Variants in FOXP2 observed in about 807,000 individuals in gnomAD.
FOXP2 encodes the protein forkhead box protein P2.
A neutral mutation model predicts 115.8 loss-of-function variants in FOXP2; 12 were observed. That is an observed-to-expected ratio of 0.10 (90% confidence interval 0.07 to 0.17). The LOEUF (loss-of-function observed/expected upper bound fraction) is 0.17. Ranked by LOEUF, FOXP2 falls within the 10% of genes least tolerant of loss-of-function variation. The pLI, the probability that FOXP2 is intolerant of heterozygous loss-of-function variation, is 1.00. For synonymous variants in FOXP2, 328 were observed against 297.7 expected, an observed-to-expected ratio of 1.10 and a Z score of -1.05; for missense variants, 629 against 843.5, an observed-to-expected ratio of 0.75 and a Z score of 3.15.
At chr7:114,300,647 A>G (rs574587388) in intron 2 of FOXP2, among the ~76,000 whole-genome samples, 1 of 152,194 alleles carries the variant, frequency 6.6e-6, no homozygotes, top group Admixed American at 6.5e-5. Flanking sequence ...CTTAGTAATA[A>G]CGATTTAATA....
At chr7:114,541,463 G>A (rs1030161976) in intron 3 of FOXP2, among the ~76,000 whole-genome samples, 20 of 151,988 alleles carry the variant, frequency 1.3e-4, no homozygotes, top group African/African-American at 4.8e-4. Context: ...ATCAAGCAAT[G>A]TCCACAGGAA....
intron 3 of FOXP2, among the ~76,000 whole-genome samples, chr7:114,540,168 A>C (rs1799584514): frequency 1.3e-5 from 2 of 152,066 alleles, no homozygotes; most frequent in Non-Finnish European, 2.9e-5. Flanking sequence ...AATGATTTGA[A>C]GTATGCCCTT....
Position 114,392,080 on chromosome 7 carries a change from G to A in FOXP2, c.-10-34422G>A, listed in dbSNP as rs527291077. On this transcript the variant is annotated intron_variant, in intron 2 of 17. Transcript: ENST00000634411. The stretch of plus-strand genomic sequence containing the variant: ...GAGAATGTCATAATTTGTTCAATGT[G>A]CCTGAATCTCACAATGCCCAAGAAG... Among the ~76,000 whole-genome samples, 4 of 152,154 alleles carry A rather than the reference G, an allele frequency of 2.6e-5. No individual in the cohort carries two copies. The South Asian group carries it at 6.2e-4, about 24-fold the overall frequency.
At chr7:114,375,446 A>G (rs1674779247) in intron 2 of FOXP2, among the ~76,000 whole-genome samples, 1 of 152,164 alleles carries the variant, frequency 6.6e-6, no homozygotes, top group African/African-American at 2.4e-5. Flanking sequence ...GACACAAAAT[A>G]ACAGTGGCTT....
At chr7:114,517,168 A>C (rs1293402609) in intron 2 of FOXP2, among the ~76,000 whole-genome samples, 3 of 151,870 alleles carry the variant, frequency 2.0e-5, no homozygotes, top group Non-Finnish European at 2.9e-5. Context: ...ATGTCTATTC[A>C]GTTTCTTTCC....
At chr7:114,373,422 C>G (rs1173192766) in intron 2 of FOXP2, among the ~76,000 whole-genome samples, 1 of 151,870 alleles carries the variant, frequency 6.6e-6, no homozygotes, top group East Asian at 1.9e-4. Context: ...ACAGCCTGTC[C>G]ACAAATGCTG....
At chr7:114,534,772 C>T in intron 3 of FOXP2, 66 bp downstream of exon 3, 1 of 1,224,018 alleles carries the variant, frequency 8.2e-7, no homozygotes. Flanking sequence ...AACAGATGTG[C>T]AGACCCACTT....
chr7:114,323,097 T>C (rs1278476594), intron 2 of FOXP2, among the ~76,000 whole-genome samples: 2 of 152,166 alleles, frequency 1.3e-5, no homozygotes, highest in Admixed American at 6.5e-5. Context: ...TATCAAGGCA[T>C]GTCTATGTAT....
At chr7:114,674,293 T>C (rs1304703280) in intron 16 of FOXP2, among the ~76,000 whole-genome samples, 2 of 152,230 alleles carry the variant, frequency 1.3e-5, no homozygotes, top group Non-Finnish European at 2.9e-5. Flanking sequence ...GGAAATTTAG[T>C]AGGGCATTTT....
At chr7:114,322,046 G>T (rs1797436980) in intron 2 of FOXP2, among the ~76,000 whole-genome samples, 4 of 148,560 alleles carry the variant, frequency 2.7e-5, no homozygotes, top group Admixed American at 2.7e-4. Context: ...TTTTGAGATA[G>T]GGTCTGGCTC....
At chr7:114,306,278 T>C (rs189194829) in intron 2 of FOXP2, among the ~76,000 whole-genome samples, 1 of 152,222 alleles carries the variant, frequency 6.6e-6, no homozygotes, top group East Asian at 1.9e-4. Context: ...GCAAGCCACA[T>C]GAACATTAGT....
At chr7:114,619,764 C>G (rs1444342630) in intron 3 of FOXP2, among the ~76,000 whole-genome samples, 1 of 151,866 alleles carries the variant, frequency 6.6e-6, no homozygotes, top group South Asian at 2.1e-4. Flanking sequence ...AAAGTATTGT[C>G]CAAAAGTACC....
intron 2 of FOXP2, among the ~76,000 whole-genome samples, chr7:114,516,159 A>G (rs971226893): frequency 1.3e-5 from 2 of 151,998 alleles, no homozygotes; most frequent in African/African-American, 4.8e-5. Context: ...ACTTCAAACT[A>G]TACTACAAGT....
chr7:114,633,997 T>C (rs1411039338), intron 6 of FOXP2, among the ~76,000 whole-genome samples: 1 of 151,924 alleles, frequency 6.6e-6, no homozygotes. Context: ...TTTAAAACTG[T>C]ATCTTTTCTT....
intron 1 of FOXP2, among the ~76,000 whole-genome samples, chr7:114,099,474 A>G (rs547472730): frequency 1.9e-3 from 284 of 152,310 alleles, no homozygotes; most frequent in Admixed American, 5.2e-3. Flanking sequence ...GGTTTCAAAG[A>G]AAATTAAAGA....
At chr7:114,132,138 T>G (rs1166301440) in intron 1 of FOXP2, among the ~76,000 whole-genome samples, 1 of 152,214 alleles carries the variant, frequency 6.6e-6, no homozygotes, top group Non-Finnish European at 1.5e-5. Context: ...TAAAACATAT[T>G]AAAATCAATA....
At chr7:114,617,762 C>T (rs758105009) in intron 3 of FOXP2, among the ~76,000 whole-genome samples, 1 of 152,178 alleles carries the variant, frequency 6.6e-6, no homozygotes, top group African/African-American at 2.4e-5. Context: ...CCTTGCACTC[C>T]AGCCTGGGCA....
At chr7:114,232,990 A>G (rs1794923508) in intron 1 of FOXP2, among the ~76,000 whole-genome samples, 2 of 152,178 alleles carry the variant, frequency 1.3e-5, no homozygotes, top group Admixed American at 1.3e-4. Flanking sequence ...AGAAAATAGC[A>G]TGGTGGGTGC....
chr7:114,271,704 ATTAT>A (rs1796053418), intron 1 of FOXP2, among the ~76,000 whole-genome samples: 2 of 116,200 alleles, frequency 1.7e-5, no homozygotes, highest in Admixed American at 2.1e-4. Context: ...TATTTAATAT[ATTAT>A]TTAATACATA....
Sources: gnomAD v4.1 joint callset for allele counts (sites outside exome capture counted in the v4.1 genomes callset) on GRCh38, gnomAD v4.1.1 for gene constraint, MANE v1.5 for transcripts, NCBI Gene and HGNC (gene_info 2026-07-23, HGNC 2026-07-21) for gene names.